The following UBA52 variants were observed in gnomAD, a reference collection of about 807,000 sequenced individuals.
UBA52 encodes the protein ubiquitin A-52 residue ribosomal protein fusion product 1, also known as ubiquitin-ribosomal protein eL40 fusion protein.
A neutral mutation model predicts 15.3 loss-of-function variants in UBA52; 1 was observed. That is an observed-to-expected ratio of 0.07 (90% CI 0.02 to 0.31). UBA52 has a LOEUF of 0.31. UBA52 is among the 10% of genes least tolerant of loss of function. The pLI is 1.00. For synonymous variants in UBA52, 50 were observed against 58.3 expected (o/e 0.86, Z 0.65); for missense variants, 87 against 168.0 (o/e 0.52, Z 2.66).
chr19:18,571,218 G>T (rs1300386939), upstream of UBA52, among the ~76,000 whole-genome samples: 1 of 150,042 alleles, frequency 6.7e-6, no homozygotes, highest in East Asian at 2.0e-4. Flanking sequence ...GCTGAGGCAG[G>T]AGAATTGCTT....
intron 1 of UBA52, 161 bp downstream of exon 1, chr19:18,572,070 G>A (rs1363889940): frequency 6.6e-6 from 1 of 152,310 alleles, no homozygotes; most frequent in African/African-American, 2.4e-5. Flanking sequence ...GGGCCCAGGA[G>A]GCGAGCGCCG....
At chr19:18,574,398 C>T (rs1975675590) in intron 3 of UBA52, among the ~76,000 whole-genome samples, 1 of 151,744 alleles carries the variant, frequency 6.6e-6, no homozygotes, top group Non-Finnish European at 1.5e-5. Context: ...AAGCGATTCC[C>T]CTGCCTCAGC....
chr19:18,573,359 G>T lies in UBA52; in HGVS notation c.59G>T (p.Ser20Ile). The change falls in exon 2 of 5, where the codon AGT becomes ATT. Residue 20 changes from serine (S) to isoleucine (I), a missense_variant. By Grantham distance (142) the Ser-to-Ile change is moderately radical (BLOSUM62 -2). Transcript: ENST00000442744. ...ACCATCACCCTTGAGGTCGAGCCCA[G>T]TGACACCATTGAGAATGTCAAAGCC... ...GKTITLEVEP[S>I]DTIENVKAKI... 6.2e-7 allele frequency: 1 copy of T among 1,614,194 alleles called. No homozygotes were observed. Among genetic ancestry groups the T allele is most frequent in the Non-Finnish European group, 8.5e-7 (1 of 1,180,030 alleles).
chr19:18,574,990 C>T lies in UBA52; in HGVS notation c.293+18C>T. 1 of 1,614,146 alleles carries T rather than the reference C, an allele frequency of 6.2e-7. No individual in the cohort carries two copies. The highest frequency in any genetic ancestry group is 8.5e-7 in the Non-Finnish European group (1 of 1,180,030). Reference sequence around the variant, plus strand: ...TGCCGCAAGTATGTGTGCTCCGATGCTTGGGGGGCTGTGGGGGCTGCCGGA... The same window carrying T: ...TGCCGCAAGTATGTGTGCTCCGATGTTTGGGGGGCTGTGGGGGCTGCCGGA... On this transcript the variant is annotated intron_variant, in intron 4 of 4. Transcript: ENST00000442744.
intron 1 of UBA52, chr19:18,572,229 GGAAAT>G: frequency 6.6e-6 from 1 of 152,378 alleles, no homozygotes; most frequent in Admixed American, 6.5e-5. Context: ...CAGTCGCTTT[GGAAAT>G]ACTAAATTTC....
At chr19:18,573,824 G>A (rs574585269) in intron 3 of UBA52, 76 bp downstream of exon 3, 2 of 1,387,642 alleles carry the variant, frequency 1.4e-6, no homozygotes, top group South Asian at 1.2e-5. Context: ...GGCCTCAGGG[G>A]TTGGGGAGCA....
At chr19:18,569,602 C>T (rs941539226), upstream of UBA52, among the ~76,000 whole-genome samples, 34 of 151,818 alleles carry the variant, frequency 2.2e-4, no homozygotes, top group Admixed American at 6.6e-5. Context: ...TGTCACTGCT[C>T]ACAATACTAG....
upstream of UBA52, among the ~76,000 whole-genome samples, chr19:18,568,192 G>A (rs1040663995): frequency 6.6e-6 from 1 of 151,616 alleles, no homozygotes; most frequent in Non-Finnish European, 1.5e-5. Context: ...GCTTGAACCC[G>A]GGAGACGGAG....
At chr19:18,569,945 T>G (rs1975422906), upstream of UBA52, among the ~76,000 whole-genome samples, 6 of 152,046 alleles carry the variant, frequency 3.9e-5, no homozygotes, top group South Asian at 4.1e-4. Flanking sequence ...GAGGCAGAAT[T>G]GCTTGAATCC....
At chr19:18,573,118 T>C in intron 1 of UBA52, 175 bp from the exon 2 acceptor site, 1 of 1,155,838 alleles carries the variant, frequency 8.7e-7, no homozygotes, top group Non-Finnish European at 1.2e-6. Context: ...GGCCAGGGTG[T>C]GTGAGAAGCC....
At chr19:18,567,365 C>T, upstream of UBA52, 1 of 656,206 alleles carries the variant, frequency 1.5e-6, no homozygotes. Flanking sequence ...GCAGAGTGGG[C>T]ACTAGGACGG....
chr19:18,570,806 G>A (rs940551290), upstream of UBA52, among the ~76,000 whole-genome samples: 1 of 151,770 alleles, frequency 6.6e-6, no homozygotes, highest in Non-Finnish European at 1.5e-5. Flanking sequence ...TCCTGCCTCA[G>A]CCTCCTGAGT....
chr19:18,570,925 G>A (rs1426815394), upstream of UBA52, among the ~76,000 whole-genome samples: 6 of 151,112 alleles, frequency 4.0e-5, no homozygotes, highest in Admixed American at 2.0e-4. Context: ...GACCTCAGGT[G>A]ATCCGCACAT....
the UBA52 span, chr19:18,565,050 C>T: frequency 1.3e-6 from 2 of 1,594,050 alleles, no homozygotes; most frequent in African/African-American, 1.3e-5. Flanking sequence ...CCCAGCCCAG[C>T]TGACCTCTGC....
chr19:18,573,652 T>A lies in UBA52; in HGVS notation c.104-10T>A. 1.9e-6 allele frequency: 3 copies of A among 1,613,070 alleles called. No individual in the cohort carries two copies. The highest frequency in any genetic ancestry group is 3.3e-4 in the Middle Eastern group (2 of 6,038). On this transcript the variant is annotated splice_polypyrimidine_tract_variant and intron_variant, in intron 2 of 4. Coordinates refer to ENST00000442744, the MANE Select transcript of UBA52 (RefSeq NM_001033930.3). Reference sequence around the variant, plus strand: ...CGCAGAGCCTCTAACTGAGCCTCCCTCCCCCTCAGGTATCCCACCTGACCA... The same window carrying A: ...CGCAGAGCCTCTAACTGAGCCTCCCACCCCCTCAGGTATCCCACCTGACCA...
chr19:18,568,845 C>T (rs57907504), upstream of UBA52: 1,430 of 574,240 alleles, frequency 2.5e-3, 14 homozygotes, highest in African/African-American at 0.023. Context: ...CTCTATTCTG[C>T]AAGACCCCTC....
chr19:18,575,507 T>C lies in UBA52; in HGVS notation c.*357T>C. The C allele has an allele frequency of 2.9e-6, 1 of 339,926 alleles. No homozygotes were observed. Among genetic ancestry groups the C allele is most frequent in the Non-Finnish European group, 5.6e-6 (1 of 177,056 alleles). 21.1% of individuals were successfully genotyped at this position (339,926 alleles called of 1,614,324 possible). ...CCTGTCAGGCACTTTGAGGTGTCCC[T>C]CAGGCCTTGGCCCTGAAGTGTCTAG... On this transcript the variant is annotated 3_prime_UTR_variant, in exon 5 of 5. Transcript: ENST00000442744.
At chr19:18,573,610 C>G in intron 2 of UBA52, 52 bp from the exon 3 acceptor site, 1 of 1,584,640 alleles carries the variant, frequency 6.3e-7, no homozygotes, top group Non-Finnish European at 8.7e-7. Context: ...GCAGAGGACA[C>G]TGCCAGTAAT....
At chr19:18,568,801 T>C (rs1402294447), upstream of UBA52, 2 of 599,412 alleles carry the variant, frequency 3.3e-6, no homozygotes, top group East Asian at 2.8e-5. Context: ...CCTGGGGGGG[T>C]CTTTAATTCT....
Sources: allele counts gnomAD v4.1 joint callset (sites outside exome capture counted in the v4.1 genomes callset), GRCh38; gene constraint gnomAD v4.1.1; transcripts MANE v1.5; gene names NCBI Gene and HGNC (gene_info 2026-07-23, HGNC 2026-07-21).